Variants in GPC6 observed in about 807,000 individuals in gnomAD.
The protein encoded by GPC6 is glypican-6.
In GPC6, 14 loss-of-function variants were observed where a neutral mutation model predicts 55.2. The observed-to-expected ratio is 0.25, with a 90% confidence interval of 0.17 to 0.40. The LOEUF (loss-of-function observed/expected upper bound fraction) is 0.40. Ranked by LOEUF, GPC6 falls within the 10% of genes least tolerant of loss-of-function variation. The pLI is 1.00. For missense variants in GPC6, 641 were observed against 708.5 expected (o/e 0.90, Z 1.08); for synonymous variants, 278 against 259.6 (o/e 1.07, Z -0.68).
At chr13:93,796,360 G>A (rs958014975) in intron 2 of GPC6, among the ~76,000 whole-genome samples, 9 of 152,114 alleles carry the variant, frequency 5.9e-5, no homozygotes, top group African/African-American at 1.2e-4. Flanking sequence ...ATTTTCATTC[G>A]TAGTATTTTA....
intron 2 of GPC6, among the ~76,000 whole-genome samples, chr13:93,666,579 G>A (rs1054233588): frequency 1.1e-4 from 16 of 152,118 alleles, no homozygotes; most frequent in African/African-American, 3.6e-4. Flanking sequence ...GGTATGTATT[G>A]TAATAATGAT....
chr13:93,332,492 C>T (rs1879889518), intron 1 of GPC6, among the ~76,000 whole-genome samples: 1 of 151,950 alleles, frequency 6.6e-6, no homozygotes, highest in African/African-American at 2.4e-5. Flanking sequence ...CATATACTTG[C>T]TGGCCATTTT....
chr13:93,819,467 G>A (rs1307741082), intron 2 of GPC6, among the ~76,000 whole-genome samples: 1 of 152,154 alleles, frequency 6.6e-6, no homozygotes, highest in Non-Finnish European at 1.5e-5. Context: ...TTAAGTTACT[G>A]TTAATACAGT....
chr13:93,697,097 A>G (rs1882487170), intron 2 of GPC6, among the ~76,000 whole-genome samples: 1 of 152,048 alleles, frequency 6.6e-6, no homozygotes, highest in South Asian at 2.1e-4. Flanking sequence ...TCCCCGCATC[A>G]TGTTCAGGAG....
At chr13:93,284,775 A>G (rs1315592328) in intron 1 of GPC6, among the ~76,000 whole-genome samples, 2 of 152,206 alleles carry the variant, frequency 1.3e-5, no homozygotes, top group African/African-American at 4.8e-5. Context: ...AAAACAGCTT[A>G]GTGGAATTGA....
chr13:93,566,063 C>T (rs1438742070), intron 2 of GPC6, among the ~76,000 whole-genome samples: 1 of 152,018 alleles, frequency 6.6e-6, no homozygotes, highest in Non-Finnish European at 1.5e-5. Context: ...TATGGCTGAA[C>T]TAAGACCATA....
At chr13:94,267,290 C>T (rs1229922599) in intron 4 of GPC6, among the ~76,000 whole-genome samples, 1 of 151,882 alleles carries the variant, frequency 6.6e-6, no homozygotes, top group Non-Finnish European at 1.5e-5. Context: ...GAAATGGTAA[C>T]CTATAAGGGT....
intron 1 of GPC6, among the ~76,000 whole-genome samples, chr13:93,453,083 C>T (rs957152755): frequency 3.3e-5 from 5 of 152,168 alleles, no homozygotes; most frequent in African/African-American, 1.2e-4. Flanking sequence ...TTAATAAATC[C>T]ATGGAGCCTT....
chr13:94,355,609 C>T (rs1196528708), intron 6 of GPC6, among the ~76,000 whole-genome samples: 1 of 152,086 alleles, frequency 6.6e-6, no homozygotes, highest in Non-Finnish European at 1.5e-5. Flanking sequence ...TAATATCAAT[C>T]TAAATGTGTC....
In GPC6 at chr13:93,624,428, C is replaced by T. The variant is rs148471354; in HGVS notation, c.319+79007C>T. 2.3e-3 allele frequency among the ~76,000 whole-genome samples: 354 copies of T among 152,286 alleles called. 1 individual carries two copies. Among genetic ancestry groups the T allele is most frequent in the African/African-American group, 8.3e-3 (347 of 41,568 alleles). On this transcript the variant is annotated intron_variant, in intron 2 of 8. Transcript: ENST00000377047. The stretch of plus-strand genomic sequence containing the variant: ...ATTTCAAAAGCAGGGCTTTATACGT[C>T]TCAATTTCAATCTGTGTTATCTTAA...
At chr13:94,339,522 A>AT (rs1877910532) in intron 6 of GPC6, among the ~76,000 whole-genome samples, 1 of 152,146 alleles carries the variant, frequency 6.6e-6, no homozygotes, top group Non-Finnish European at 1.5e-5. Context: ...AATAAGTTGA[A>AT]TGTGAATATT....
intron 2 of GPC6, among the ~76,000 whole-genome samples, chr13:93,607,191 T>G (rs1878267947): frequency 1.3e-5 from 2 of 152,206 alleles, no homozygotes; most frequent in African/African-American, 2.4e-5. Flanking sequence ...AAAGTCTTAT[T>G]CGGATATGAC....
At chr13:93,381,280 T>C (rs910934157) in intron 1 of GPC6, among the ~76,000 whole-genome samples, 3 of 152,148 alleles carry the variant, frequency 2.0e-5, no homozygotes, top group African/African-American at 7.2e-5. Flanking sequence ...CATTGTGCTC[T>C]TACTCAGAAC....
intron 6 of GPC6, among the ~76,000 whole-genome samples, chr13:94,352,504 C>T (rs912193432): frequency 6.6e-6 from 1 of 152,144 alleles, no homozygotes; most frequent in Admixed American, 6.5e-5. Flanking sequence ...AACATTCATT[C>T]TCGGGGCTTC....
At chr13:93,329,377 A>G (rs2139134147) in intron 1 of GPC6, among the ~76,000 whole-genome samples, 1 of 152,342 alleles carries the variant, frequency 6.6e-6, no homozygotes, top group African/African-American at 2.4e-5. Context: ...TAAAATGTTC[A>G]TAACTATGTA....
intron 2 of GPC6, among the ~76,000 whole-genome samples, chr13:93,646,085 G>A (rs1334804645): frequency 6.6e-6 from 1 of 151,864 alleles, no homozygotes; most frequent in Non-Finnish European, 1.5e-5. Context: ...GATTTTGAGA[G>A]GCACCCTCCT....
intron 1 of GPC6, among the ~76,000 whole-genome samples, chr13:93,388,175 T>C (rs1484347091): frequency 2.0e-5 from 3 of 152,186 alleles, no homozygotes; most frequent in Non-Finnish European, 4.4e-5. Context: ...TATTTAAACC[T>C]AGGGCTTCTT....
intron 6 of GPC6, among the ~76,000 whole-genome samples, chr13:94,356,784 C>A (rs1878817339): frequency 6.6e-6 from 1 of 152,124 alleles, no homozygotes; most frequent in African/African-American, 2.4e-5. Flanking sequence ...CATCTGTAAT[C>A]CAAGCTACTT....
chr13:94,221,223 G>A (rs978613118), intron 4 of GPC6, among the ~76,000 whole-genome samples: 7 of 151,926 alleles, frequency 4.6e-5, no homozygotes, highest in Admixed American at 1.3e-4. Flanking sequence ...CTGATGAGTG[G>A]GATCATATAA....
Sources: gnomAD v4.1 joint callset for allele counts (sites outside exome capture counted in the v4.1 genomes callset) on GRCh38, gnomAD v4.1.1 for gene constraint, MANE v1.5 for transcripts, NCBI Gene and HGNC (gene_info 2026-07-23, HGNC 2026-07-21) for gene names.